ADAMTSL1: variants seen among roughly 807,000 people sequenced by gnomAD.
ADAMTSL1 encodes the protein ADAMTS-like protein 1.
In ADAMTSL1, 126 loss-of-function variants were observed where a neutral mutation model predicts 201.8. The ratio of observed to expected loss-of-function variants is 0.62; its 90% CI spans 0.54 to 0.72. The LOEUF (loss-of-function observed/expected upper bound fraction) is 0.72, where lower values mean the gene tolerates loss of function less well. Among genes scored for constraint, ADAMTSL1 ranks in the 30% least tolerant of loss-of-function variants. The pLI is 0.00. For missense variants in ADAMTSL1, 2,679 were observed against 2,277.8 expected (o/e 1.18, Z -3.59); for synonymous variants, 1,121 against 903.4 (o/e 1.24, Z -4.32).
chr9:18,169,193 C>G (rs1827774724), intron 2 of ADAMTSL1, among the ~76,000 whole-genome samples: 2 of 151,738 alleles, frequency 1.3e-5, no homozygotes, highest in South Asian at 2.1e-4. Context: ...GGTATGAAGT[C>G]CTTGCCCATG....
intron 1 of ADAMTSL1, among the ~76,000 whole-genome samples, chr9:18,074,536 TCTCTCTTCTTTTCTC>T (rs1823121083): frequency 6.9e-6 from 1 of 144,794 alleles, no homozygotes; most frequent in Non-Finnish European, 1.5e-5. Context: ...TTTCTTTTCT[TCTCTCTTCTTTTCTC>T]TTCTCTTTTC....
intron 2 of ADAMTSL1, among the ~76,000 whole-genome samples, chr9:18,452,129 T>C (rs1368114646): frequency 1.3e-5 from 2 of 152,100 alleles, no homozygotes; most frequent in African/African-American, 4.8e-5. Context: ...GTCAGGCTGG[T>C]CTCAAACTCC....
intron 2 of ADAMTSL1, among the ~76,000 whole-genome samples, chr9:18,418,288 C>G (rs73643274): frequency 0.019 from 2,897 of 152,080 alleles, 98 homozygotes; most frequent in African/African-American, 0.067. Context: ...CTGAACGTTT[C>G]CCCCCCGGCA....
chr9:18,834,336 ATTTG>A (rs1302457773), intron 23 of ADAMTSL1, among the ~76,000 whole-genome samples: 4 of 152,074 alleles, frequency 2.6e-5, no homozygotes, highest in Admixed American at 2.0e-4. Context: ...ATGTTTTTCT[ATTTG>A]TTTGTGTCAT....
chr9:18,368,212 G>T (rs1836868959), intron 2 of ADAMTSL1, among the ~76,000 whole-genome samples: 1 of 152,160 alleles, frequency 6.6e-6, no homozygotes, highest in Non-Finnish European at 1.5e-5. Flanking sequence ...ACCGCGCCTG[G>T]CTGAGGGAGT....
chr9:18,811,532 C>A lies in ADAMTSL1; in HGVS notation c.3806-5577C>A, dbSNP rs184119330. Among the ~76,000 whole-genome samples the A allele has an allele frequency of 9.8e-5, 15 of 152,314 alleles. 1 individual carries two copies. The highest frequency in any genetic ancestry group is 9.2e-4 in the Admixed American group (14 of 15,290). On this transcript the variant is annotated intron_variant, in intron 20 of 28. Coordinates refer to ENST00000380548, the MANE Select transcript of ADAMTSL1 (RefSeq NM_001040272.6). ...TCCCACACTTGGGTAACAAAAGAGG[C>A]CAAGTGGAGAACTTGGACTTAACCT...
At chr9:18,677,827 G>A (rs1229969175) in intron 10 of ADAMTSL1, among the ~76,000 whole-genome samples, 3 of 151,940 alleles carry the variant, frequency 2.0e-5, no homozygotes, top group Non-Finnish European at 4.4e-5. Context: ...TTACCCCCTT[G>A]TATGTCTGAT....
intron 3 of ADAMTSL1, among the ~76,000 whole-genome samples, chr9:18,539,832 A>C (rs1820016726): frequency 6.6e-6 from 1 of 152,208 alleles, no homozygotes; most frequent in Non-Finnish European, 1.5e-5. Context: ...CTATTAAATC[A>C]TCAGGACACA....
intron 1 of ADAMTSL1, among the ~76,000 whole-genome samples, chr9:17,996,772 C>G (rs531559391): frequency 1.3e-5 from 2 of 152,180 alleles, no homozygotes; most frequent in South Asian, 4.1e-4. Flanking sequence ...GTACTCCCTT[C>G]TCACCACCAC....
At chr9:18,187,299 C>A (rs547295746) in intron 2 of ADAMTSL1, among the ~76,000 whole-genome samples, 3 of 152,214 alleles carry the variant, frequency 2.0e-5, no homozygotes, top group African/African-American at 7.2e-5. Flanking sequence ...GTTCCTGGAG[C>A]CCTGAAGCTA....
At chr9:18,423,803 A>T (rs951679740) in intron 2 of ADAMTSL1, among the ~76,000 whole-genome samples, 1 of 152,232 alleles carries the variant, frequency 6.6e-6, no homozygotes, top group Non-Finnish European at 1.5e-5. Flanking sequence ...GTAGGGACAA[A>T]ATAGGATGGC....
intron 2 of ADAMTSL1, among the ~76,000 whole-genome samples, chr9:18,517,615 G>A (rs1300540744): frequency 7.3e-6 from 1 of 136,384 alleles, no homozygotes; most frequent in Non-Finnish European, 1.5e-5. Context: ...TCCCCTTCCT[G>A]TGTCCATGTG....
At chr9:18,843,519 T>G (rs947630348) in intron 23 of ADAMTSL1, among the ~76,000 whole-genome samples, 8 of 150,636 alleles carry the variant, frequency 5.3e-5, no homozygotes, top group African/African-American at 2.0e-4. Context: ...TGTCTTGGAG[T>G]TGCTCTTCTC....
At chr9:18,457,159 G>T (rs905922884) in intron 2 of ADAMTSL1, among the ~76,000 whole-genome samples, 6 of 152,048 alleles carry the variant, frequency 3.9e-5, no homozygotes, top group Non-Finnish European at 7.4e-5. Context: ...ATACTGGAGT[G>T]CTGAAGCCTT....
chr9:18,847,473 G>A (rs144968598), intron 23 of ADAMTSL1, among the ~76,000 whole-genome samples: 2 of 152,182 alleles, frequency 1.3e-5, no homozygotes, highest in African/African-American at 4.8e-5. Context: ...GAAGCAAATG[G>A]CATCATATGG....
intron 2 of ADAMTSL1, among the ~76,000 whole-genome samples, chr9:18,302,448 G>T (rs978409538): frequency 1.1e-4 from 17 of 152,084 alleles, no homozygotes; most frequent in African/African-American, 4.1e-4. Context: ...TTCGTTATAG[G>T]AGTTTTCTAC....
chr9:18,777,092 C>T lies in ADAMTSL1; in HGVS notation c.2863C>T (p.His955Tyr). ...YTCSAGPARE[H>Y]FVIKLIGGNR... ...CTGCTCAGCGGGCCCGGCCCGGGAG[C>T]ACTTTGTGATTAAGCTCATCGGAGG... The change falls in exon 19 of 29, where the codon CAC becomes TAC. Residue 955 changes from histidine (H) to tyrosine (Y), a missense_variant. Coordinates refer to ENST00000380548, the MANE Select transcript of ADAMTSL1 (RefSeq NM_001040272.6). 6.2e-7 allele frequency: 1 copy of T among 1,613,252 alleles called. No homozygotes were observed. Among genetic ancestry groups the T allele is most frequent in the African/African-American group, 1.3e-5 (1 of 75,056 alleles).
chr9:17,999,333 G>A (rs1207169335), intron 1 of ADAMTSL1, among the ~76,000 whole-genome samples: 1 of 151,958 alleles, frequency 6.6e-6, no homozygotes, highest in Non-Finnish European at 1.5e-5. Context: ...CACTGTGAAA[G>A]CTGATCTCTG....
intron 1 of ADAMTSL1, among the ~76,000 whole-genome samples, chr9:18,490,240 A>C (rs7859309): frequency 0.025 from 3,836 of 152,232 alleles, 157 homozygotes; most frequent in African/African-American, 0.089. Context: ...CACTGCAAGA[A>C]GAGTCTGAAT....
Sources: gnomAD v4.1 joint callset for allele counts (sites outside exome capture counted in the v4.1 genomes callset) on GRCh38, gnomAD v4.1.1 for gene constraint, MANE v1.5 for transcripts, NCBI Gene and HGNC (gene_info 2026-07-23, HGNC 2026-07-21) for gene names.